The following CDH9 variants were observed in gnomAD, a reference collection of about 807,000 sequenced individuals.
The protein encoded by CDH9 is cadherin-9.
A neutral mutation model predicts 70.9 loss-of-function variants in CDH9; 28 were observed. The ratio of observed to expected loss-of-function variants is 0.40; its 90% CI spans 0.29 to 0.54. CDH9 has a LOEUF of 0.54. Among genes scored for constraint, CDH9 ranks in the 20% least tolerant of loss-of-function variants. The pLI is 0.59. For synonymous variants in CDH9, 409 were observed against 343.1 expected (o/e 1.19, Z -2.12); for missense variants, 874 against 984.4 (o/e 0.89, Z 1.50).
chr5:26,963,858 G>A (rs1267304579), intron 2 of CDH9, among the ~76,000 whole-genome samples: 1 of 151,978 alleles, frequency 6.6e-6, no homozygotes, highest in Non-Finnish European at 1.5e-5. Context: ...GAATGTATAG[G>A]TTAATAGAAA....
intron 2 of CDH9, among the ~76,000 whole-genome samples, chr5:26,976,419 T>C (rs961218826): frequency 2.6e-5 from 4 of 151,762 alleles, no homozygotes; most frequent in Non-Finnish European, 4.4e-5. Flanking sequence ...ATTTAATCTT[T>C]AGGTTATTTT....
chr5:26,982,399 T>G (rs1267697716), intron 2 of CDH9, among the ~76,000 whole-genome samples: 2 of 152,114 alleles, frequency 1.3e-5, no homozygotes, highest in African/African-American at 4.8e-5. Flanking sequence ...AAAGAGGAAG[T>G]TTGACTTTGA....
intron 2 of CDH9, among the ~76,000 whole-genome samples, chr5:26,941,905 T>C (rs982985482): frequency 9.2e-5 from 14 of 152,286 alleles, no homozygotes; most frequent in Admixed American, 7.2e-4. Flanking sequence ...CTTGTTGCCA[T>C]GGGAACTCTC....
chr5:26,881,870 A>T (rs546547333), intron 11 of CDH9, among the ~76,000 whole-genome samples: 11 of 152,196 alleles, frequency 7.2e-5, no homozygotes, highest in African/African-American at 2.6e-4. Context: ...TTCTGGCTTT[A>T]TTCAAGTACA....
At chr5:27,038,005 A>G (rs1743422843) in intron 1 of CDH9, among the ~76,000 whole-genome samples, 1 of 152,002 alleles carries the variant, frequency 6.6e-6, no homozygotes, top group East Asian at 1.9e-4. Context: ...TTATTAATAA[A>G]GATGCCCTTA....
intron 2 of CDH9, among the ~76,000 whole-genome samples, chr5:26,933,562 T>C (rs983839484): frequency 6.6e-6 from 1 of 151,496 alleles, no homozygotes; most frequent in Non-Finnish European, 1.5e-5. Flanking sequence ...GGATCACAAG[T>C]CAAGAGATCG....
intron 2 of CDH9, among the ~76,000 whole-genome samples, chr5:26,952,634 C>A (rs1370945083): frequency 6.9e-4 from 40 of 57,850 alleles, no homozygotes; most frequent in Middle Eastern, 0.015. Flanking sequence ...GACTCCGTCT[C>A]AAAAAAAAAA....
intron 2 of CDH9, among the ~76,000 whole-genome samples, chr5:26,965,932 T>A (rs1208291209): frequency 1.3e-5 from 2 of 152,192 alleles, no homozygotes; most frequent in African/African-American, 2.4e-5. Flanking sequence ...ATTAAAAATG[T>A]TGAATAATCA....
intron 7 of CDH9, among the ~76,000 whole-genome samples, chr5:26,901,751 C>T (rs1397905900): frequency 2.0e-5 from 3 of 151,606 alleles, no homozygotes; most frequent in African/African-American, 7.3e-5. Context: ...TTTAAATTCC[C>T]CTTTGAACAA....
chr5:26,945,279 G>C (rs1741733059), intron 2 of CDH9, among the ~76,000 whole-genome samples: 1 of 151,366 alleles, frequency 6.6e-6, no homozygotes, highest in Non-Finnish European at 1.5e-5. Context: ...ACAGTCAAAT[G>C]TGGTTTTCAA....
At chr5:26,881,788 T>C (rs1248952558) in intron 11 of CDH9, among the ~76,000 whole-genome samples, 165 bp from the exon 12 acceptor site, 1 of 152,076 alleles carries the variant, frequency 6.6e-6, no homozygotes, top group East Asian at 1.9e-4. Context: ...AATGACTGGA[T>C]GCACTGTATT....
At chr5:26,929,847 G>A (rs1741410435) in intron 2 of CDH9, among the ~76,000 whole-genome samples, 1 of 152,006 alleles carries the variant, frequency 6.6e-6, no homozygotes, top group South Asian at 2.1e-4. Context: ...AGGCTGGGAA[G>A]TTTAGTATCG....
chr5:26,975,721 A>G (rs1437926110), intron 2 of CDH9, among the ~76,000 whole-genome samples: 4 of 152,206 alleles, frequency 2.6e-5, no homozygotes, highest in African/African-American at 9.6e-5. Context: ...AAATTTATTG[A>G]CACTGGCCAC....
At chr5:26,883,829 T>A (rs2111964980) in intron 11 of CDH9, among the ~76,000 whole-genome samples, 1 of 152,212 alleles carries the variant, frequency 6.6e-6, no homozygotes, top group African/African-American at 2.4e-5. Flanking sequence ...GCCCTAGATT[T>A]TAATCTTCCA....
rs866348219 is a variant in CDH9 at position 26,904,617 on chromosome 5, G to A, written c.812-793C>T. ...AATTATCCTGCAGACTTGGGAAAGGGAGGATGCAAAAACTAATTCTTTCTG... is the reference window on the plus strand; with the variant it reads ...AATTATCCTGCAGACTTGGGAAAGGAAGGATGCAAAAACTAATTCTTTCTG... On this transcript the variant is annotated intron_variant, in intron 5 of 11. Transcript: ENST00000231021. Among the ~76,000 whole-genome samples, 11 of 152,116 alleles carry A rather than the reference G, an allele frequency of 7.2e-5. 1 individual carries two copies. The highest frequency in any genetic ancestry group is 3.4e-3 in the Middle Eastern group (1 of 294).
intron 5 of CDH9, among the ~76,000 whole-genome samples, chr5:26,904,948 C>T (rs944411635): frequency 1.1e-4 from 16 of 151,874 alleles, no homozygotes; most frequent in African/African-American, 1.9e-4. Context: ...AAAAATGCAT[C>T]GAGTCTCTTT....
At chr5:26,935,922 G>A (rs1579461537) in intron 2 of CDH9, among the ~76,000 whole-genome samples, 1 of 152,152 alleles carries the variant, frequency 6.6e-6, no homozygotes, top group Non-Finnish European at 1.5e-5. Context: ...ACTCAGCCAT[G>A]ACAAGGAATG....
In CDH9 at chr5:26,885,835, T is replaced by A; in HGVS notation, c.1661A>T (p.Asp554Val). 1.2e-6 allele frequency: 2 copies of A among 1,613,970 alleles called. No homozygotes were observed. The highest frequency in any genetic ancestry group is 1.7e-6 in the Non-Finnish European group (2 of 1,179,928). Residue 554 changes from aspartate (D) to valine (V), a missense_variant, in exon 11 of 12, where the codon GAT becomes GTT. Coordinates refer to ENST00000231021, the MANE Select transcript of CDH9 (RefSeq NM_016279.4). Reference protein sequence around the residue: ...DNTAGIMTRKDGYSRNKMSTY... With the variant: ...DNTAGIMTRKVGYSRNKMSTY... ...GCTCATTTTGTTGCGACTGTAGCCA[T>A]CTTTCCGAGTCATGATTCCTGCTGT...
chr5:26,898,230 T>G (rs1437491657), intron 7 of CDH9, among the ~76,000 whole-genome samples: 3 of 152,088 alleles, frequency 2.0e-5, no homozygotes, highest in Non-Finnish European at 4.4e-5. Context: ...ATCAGTATCG[T>G]GAAAATGGCC....
Sources: gnomAD v4.1 joint callset for allele counts (sites outside exome capture counted in the v4.1 genomes callset) on GRCh38, gnomAD v4.1.1 for gene constraint, MANE v1.5 for transcripts, NCBI Gene and HGNC (gene_info 2026-07-23, HGNC 2026-07-21) for gene names.